Variants in STK32A observed in about 807,000 individuals in gnomAD.
STK32A encodes serine/threonine-protein kinase 32A.
A neutral mutation model predicts 53.2 loss-of-function variants in STK32A; 41 were observed. That is an observed-to-expected ratio of 0.77 (90% CI 0.60 to 1.00). STK32A has a LOEUF of 1.00. Among genes scored for constraint, STK32A ranks in the 50% least tolerant of loss-of-function variants. The pLI, the probability that STK32A is intolerant of heterozygous loss-of-function variation, is 0.00. For missense variants in STK32A, 458 were observed against 485.8 expected, an observed-to-expected ratio of 0.94 and a Z score of 0.54; for synonymous variants, 166 against 162.8, an observed-to-expected ratio of 1.02 and a Z score of -0.15.
chr5:147,365,692 TAGCTGCTTCTGGGGTTCAG>T, intron 8 of STK32A, among the ~76,000 whole-genome samples: 1 of 152,198 alleles, frequency 6.6e-6, no homozygotes, highest in African/African-American at 2.4e-5. Context: ...AGACCCTTGC[TAGCTGCTTCTGGGGTTCAG>T]AGCAATTGTG....
chr5:147,377,427 A>G (rs1298305635), intron 11 of STK32A, among the ~76,000 whole-genome samples: 1 of 151,954 alleles, frequency 6.6e-6, no homozygotes, highest in Non-Finnish European at 1.5e-5. Flanking sequence ...GACAATTTCT[A>G]TCTGTTGATT....
At chr5:147,357,035 A>G (rs1756279920) in intron 7 of STK32A, among the ~76,000 whole-genome samples, 1 of 152,188 alleles carries the variant, frequency 6.6e-6, no homozygotes. Flanking sequence ...AATGTGGGTA[A>G]TGTGAGGTAA....
chr5:147,372,268 C>CTT (rs1757034368), intron 9 of STK32A, among the ~76,000 whole-genome samples: 1 of 84,252 alleles, frequency 1.2e-5, no homozygotes, highest in Admixed American at 1.6e-4. Flanking sequence ...ATGGGCTTGG[C>CTT]CTTTTTTTTT....
At chr5:147,262,913 G>A (rs1489252236) in intron 2 of STK32A, among the ~76,000 whole-genome samples, 2 of 152,200 alleles carry the variant, frequency 1.3e-5, no homozygotes, top group African/African-American at 4.8e-5. Context: ...AGAGCTAGAG[G>A]TGAAGGGGAA....
At chr5:147,315,114 C>T (rs1412355261) in intron 4 of STK32A, among the ~76,000 whole-genome samples, 1 of 152,110 alleles carries the variant, frequency 6.6e-6, no homozygotes, top group African/African-American at 2.4e-5. Context: ...AGCCTTTGTA[C>T]ATTGATAGTG....
At chr5:147,297,113 G>A (rs998697898) in intron 4 of STK32A, among the ~76,000 whole-genome samples, 3 of 152,116 alleles carry the variant, frequency 2.0e-5, no homozygotes, top group African/African-American at 7.2e-5. Context: ...TCTAAACCAA[G>A]GATCAACTAG....
chr5:147,255,662 C>T (rs1029192780), intron 2 of STK32A, among the ~76,000 whole-genome samples: 1 of 152,128 alleles, frequency 6.6e-6, no homozygotes, highest in East Asian at 1.9e-4. Context: ...GCAAACTACC[C>T]CTCTTTCTGC....
rs144337217 is a variant in STK32A at position 147,253,464 on chromosome 5, T to C, written c.52+13778T>C. On this transcript the variant is annotated intron_variant, in intron 2 of 12. Transcript: ENST00000397936. ...TCAGTTGAATTGCTGTGGAGGTTTC[T>C]GTACGATTTACTCAAAGCTGGCTCT... is the stretch of plus-strand genomic sequence containing the variant. 5.5e-3 allele frequency among the ~76,000 whole-genome samples: 844 copies of C among 152,340 alleles called. 5 individuals carry two copies. Among genetic ancestry groups the C allele is most frequent in the African/African-American group, 0.019 (791 of 41,590 alleles).
At chr5:147,295,814 A>G (rs796316117) in intron 4 of STK32A, among the ~76,000 whole-genome samples, 20 of 152,082 alleles carry the variant, frequency 1.3e-4, no homozygotes, top group African/African-American at 3.6e-4. Context: ...TTGTACTTCT[A>G]AAGGGATGAC....
At chr5:147,370,004 T>A (rs1020195115) in intron 8 of STK32A, among the ~76,000 whole-genome samples, 1 of 152,116 alleles carries the variant, frequency 6.6e-6, no homozygotes, top group Non-Finnish European at 1.5e-5. Context: ...TTTGTTTAAT[T>A]TCTTTTCTTT....
intron 11 of STK32A, among the ~76,000 whole-genome samples, chr5:147,381,819 G>T (rs1757465786): frequency 6.6e-6 from 1 of 152,014 alleles, no homozygotes; most frequent in Admixed American, 6.6e-5. Flanking sequence ...GACTTCCACA[G>T]TACGTACACT....
intron 2 of STK32A, among the ~76,000 whole-genome samples, chr5:147,241,479 A>AGAACAAAC (rs370528814): frequency 6.6e-6 from 1 of 151,032 alleles, no homozygotes; most frequent in Non-Finnish European, 1.5e-5. Flanking sequence ...ACTCCATCTC[A>AGAACAAAC]AAACAAACAA....
chr5:147,382,464 C>T (rs1757490850), intron 11 of STK32A, among the ~76,000 whole-genome samples: 1 of 151,790 alleles, frequency 6.6e-6, no homozygotes, highest in African/African-American at 2.4e-5. Context: ...ATGTTTTTTA[C>T]TGTGAATGAG....
intron 1 of STK32A, among the ~76,000 whole-genome samples, chr5:147,239,157 A>G (rs930870652): frequency 6.6e-6 from 1 of 152,216 alleles, no homozygotes; most frequent in African/African-American, 2.4e-5. Context: ...TAGCTAGTGC[A>G]TCTTTATGAC....
At chr5:147,239,941 T>G (rs1753494001) in intron 2 of STK32A, 1 of 439,968 alleles carries the variant, frequency 2.3e-6, no homozygotes. Flanking sequence ...CAGTTGGGCA[T>G]GTGGTGGATA....
At chr5:147,282,653 G>A (rs1164223124) in intron 4 of STK32A, among the ~76,000 whole-genome samples, 1 of 152,032 alleles carries the variant, frequency 6.6e-6, no homozygotes, top group Non-Finnish European at 1.5e-5. Context: ...TCTTATATCA[G>A]ACAAAACAAA....
chr5:147,345,971 T>C (rs377466437), intron 6 of STK32A, among the ~76,000 whole-genome samples: 1 of 152,222 alleles, frequency 6.6e-6, no homozygotes, highest in African/African-American at 2.4e-5. Flanking sequence ...CTGAGAGCCA[T>C]TTTCTAAACA....
intron 4 of STK32A, among the ~76,000 whole-genome samples, chr5:147,290,345 C>A (rs1442202629): frequency 2.0e-5 from 3 of 152,094 alleles, no homozygotes; most frequent in Non-Finnish European, 4.4e-5. Flanking sequence ...CTCCAGGGAC[C>A]TGGCTACACT....
chr5:147,393,788 T>C, the STK32A span: 3 of 520,178 alleles, frequency 5.8e-6, no homozygotes, highest in Non-Finnish European at 1.0e-5. Context: ...GTGGCCTGTC[T>C]GATTGCATGC....
Sources: allele counts gnomAD v4.1 joint callset (sites outside exome capture counted in the v4.1 genomes callset), GRCh38; gene constraint gnomAD v4.1.1; transcripts MANE v1.5; gene names NCBI Gene and HGNC (gene_info 2026-07-23, HGNC 2026-07-21).